CFAP20DC: variants seen among roughly 807,000 people sequenced by gnomAD.
CFAP20DC encodes the protein CFAP20 domain containing, also known as protein CFAP20DC.
A neutral mutation model predicts 101.7 loss-of-function variants in CFAP20DC; 84 were observed. The observed-to-expected ratio is 0.83, with a 90% confidence interval of 0.69 to 0.99. CFAP20DC has a LOEUF of 0.99. Ranked by LOEUF, CFAP20DC falls within the 50% of genes least tolerant of loss-of-function variation. The pLI is 0.00. For missense variants in CFAP20DC, 1,007 were observed against 970.3 expected (o/e 1.04, Z -0.50); for synonymous variants, 359 against 351.2 (o/e 1.02, Z -0.25).
rs1471785296 is a variant in CFAP20DC at position 59,002,289 on chromosome 3, C to T, written c.278+37268G>A. Among the ~76,000 whole-genome samples the T allele has an allele frequency of 2.6e-5, 4 of 152,196 alleles. No individual in the cohort carries two copies. The highest frequency in any genetic ancestry group is 4.4e-5 in the Non-Finnish European group (3 of 68,036). On this transcript the variant is annotated intron_variant, in intron 4 of 16. Transcript: ENST00000482387. This position sits in a 1 kb window ranked among gnomAD's most constrained non-coding sequence, Gnocchi z 4.5. ...CACACATGCTGAATAATTAGCTTCC[C>T]TCCTAAGGGATACATGATCCCACCT...
At chr3:58,831,537 C>G in intron 14 of CFAP20DC, 149 bp downstream of exon 14, 1 of 646,592 alleles carries the variant, frequency 1.5e-6, no homozygotes, top group Non-Finnish European at 2.7e-6. Context: ...TGTCCTTTCT[C>G]AAACACTATT....
rs1900621 is a variant in CFAP20DC at position 59,015,037 on chromosome 3, C to A, written c.278+24520G>T. On this transcript the variant is annotated intron_variant, in intron 4 of 16. Coordinates refer to ENST00000482387, the MANE Select transcript of CFAP20DC (RefSeq NM_001394063.1). The surrounding 1 kb of genome is among the most constrained non-coding windows in gnomAD (Gnocchi z 5.4). ...ACATTTACCAGTACAGAACATTTTG[C>A]GAGCTCATTTCTGAGGTTAGGATGT... 6.6e-6 allele frequency among the ~76,000 whole-genome samples: 1 copy of A among 151,904 alleles called. No individual in the cohort carries two copies. Among genetic ancestry groups the A allele is most frequent in the African/African-American group, 2.4e-5 (1 of 41,324 alleles).
At chr3:58,951,397 C>A (rs947110096) in intron 4 of CFAP20DC, among the ~76,000 whole-genome samples, 1 of 152,138 alleles carries the variant, frequency 6.6e-6, no homozygotes, top group African/African-American at 2.4e-5. Flanking sequence ...CCCAGCCATC[C>A]CATTACTGGG....
rs1267221863 is a variant in CFAP20DC at position 58,728,686 on chromosome 3, T to G, written c.198-11058A>C. 6.6e-6 allele frequency among the ~76,000 whole-genome samples: 1 copy of G among 152,150 alleles called. No homozygotes were observed. The highest frequency in any genetic ancestry group is 2.4e-5 in the African/African-American group (1 of 41,432). On this transcript the variant is annotated intron_variant, in intron 3 of 3. Coordinates refer to the CFAP20DC transcript ENST00000486145. This position sits in a 1 kb window ranked among gnomAD's most constrained non-coding sequence, Gnocchi z 4.7. ...GTGGAGGAAATCATATGCCAGAGCT[T>G]TGGTAAATGCATGAACTCTACACAC...
At chr3:58,972,805 T>C (rs1344539467) in intron 4 of CFAP20DC, among the ~76,000 whole-genome samples, 2 of 152,192 alleles carry the variant, frequency 1.3e-5, no homozygotes, top group African/African-American at 4.8e-5. Context: ...TGTGCCAATG[T>C]TCAAAGCATA....
intron 4 of CFAP20DC, among the ~76,000 whole-genome samples, chr3:58,991,316 G>A (rs903112372): frequency 3.3e-5 from 5 of 152,032 alleles, no homozygotes; most frequent in Admixed American, 6.6e-5. Context: ...GTAACAAACT[G>A]CTTACCTCCT....
rs1286932286 is a variant in CFAP20DC at position 58,721,383 on chromosome 3, A to AT, written c.198-3756dup. On this transcript the variant is annotated intron_variant, in intron 3 of 3. Coordinates refer to the CFAP20DC transcript ENST00000486145. The surrounding 1 kb of genome is among the most constrained non-coding windows in gnomAD (Gnocchi z 5.2). ...TTATAGTCAGAATGAAGAGATAGAC[A>AT]TTTTTTAAAAATTACAACCATGATA... Among the ~76,000 whole-genome samples, 1 of 152,126 alleles carries AT rather than the reference A, an allele frequency of 6.6e-6. No individual in the cohort carries two copies. The highest frequency in any genetic ancestry group is 1.9e-4 in the East Asian group (1 of 5,186).
intron 4 of CFAP20DC, among the ~76,000 whole-genome samples, chr3:58,980,879 T>C (rs955752180): frequency 6.6e-6 from 1 of 152,126 alleles, no homozygotes; most frequent in Non-Finnish European, 1.5e-5. Context: ...GAGAAGGAAA[T>C]AAAGGGTATT....
At chr3:58,990,843 A>G (rs2092914382) in intron 4 of CFAP20DC, among the ~76,000 whole-genome samples, 2 of 151,782 alleles carry the variant, frequency 1.3e-5, no homozygotes. Flanking sequence ...CATCTTTGGT[A>G]CCAAGCATTT....
intron 4 of CFAP20DC, among the ~76,000 whole-genome samples, chr3:58,958,834 A>C (rs562719874): frequency 6.6e-6 from 1 of 152,298 alleles, no homozygotes; most frequent in South Asian, 2.1e-4. Context: ...TGTAATTGTA[A>C]AAATTTTAAA....
intron 3 of CFAP20DC, among the ~76,000 whole-genome samples, chr3:58,718,110 G>A (rs2107037542): frequency 6.6e-6 from 1 of 152,314 alleles, no homozygotes; most frequent in East Asian, 1.9e-4. Context: ...GTCACATCAT[G>A]TTGAACAAAA....
intron 4 of CFAP20DC, chr3:59,017,444 C>G (rs1012540074): frequency 2.6e-5 from 4 of 152,156 alleles, no homozygotes; most frequent in African/African-American, 9.7e-5. Flanking sequence ...TCCCACCCCA[C>G]AACTTTCGCA....
rs914415888 is a variant in CFAP20DC at position 58,869,390 on chromosome 3, T to C, written c.953A>G (p.Glu318Gly). Residue 318 changes from glutamate (E) to glycine (G), a missense_variant, in exon 9 of 17, where the codon GAG (glutamate) becomes GGG (glycine). By Grantham distance (98) the Glu-to-Gly change is moderately conservative. Coordinates refer to ENST00000482387, the MANE Select transcript of CFAP20DC (RefSeq NM_001394063.1). This position sits in a 1 kb window ranked among gnomAD's most constrained non-coding sequence, Gnocchi z 4.3. ...GTEMSALLIPESEEQGNKENI... is the reference protein window; with the variant it reads ...GTEMSALLIPGSEEQGNKENI... ...TTCTTTATTTCCTTGTTCCTCAGAC[T>C]CAGGTATCAGCAAGGCTGACATTTC... 1.9e-6 allele frequency: 3 copies of C among 1,613,674 alleles called. No individual in the cohort carries two copies. The African/African-American group carries it at 4.0e-5, about 22-fold the overall frequency.
chr3:58,766,822 T>G (rs963666471), intron 15 of CFAP20DC, among the ~76,000 whole-genome samples: 1 of 152,210 alleles, frequency 6.6e-6, no homozygotes. Context: ...TAGACCATGC[T>G]TTCCTCCCCT....
intron 13 of CFAP20DC, among the ~76,000 whole-genome samples, chr3:58,844,874 A>C (rs1353893469): frequency 1.4e-5 from 2 of 142,504 alleles, no homozygotes; most frequent in Admixed American, 1.4e-4. Flanking sequence ...AAAACCGCTC[A>C]ACTACGTGGA....
intron 14 of CFAP20DC, among the ~76,000 whole-genome samples, chr3:58,826,842 T>C (rs2076071969): frequency 6.6e-6 from 1 of 152,092 alleles, no homozygotes. Flanking sequence ...AGTGCTGTAA[T>C]TGAGCCAGAA....
rs983327203 is a variant in CFAP20DC at position 58,717,980 on chromosome 3, C to T, written c.198-352G>A. Among the ~76,000 whole-genome samples, 14 of 152,198 alleles carry T rather than the reference C, an allele frequency of 9.2e-5. No homozygotes were observed. Among genetic ancestry groups the T allele is most frequent in the African/African-American group, 3.4e-4 (14 of 41,446 alleles). ...TCAAAAGCTTATGATTTTTACCATT[C>T]CCATTTGGATAAGCTATGGAGAAAT... On this transcript the variant is annotated intron_variant, in intron 3 of 3. Transcript: ENST00000486145. The surrounding 1 kb of genome is among the most constrained non-coding windows in gnomAD (Gnocchi z 4.1).
In CFAP20DC at chr3:58,810,017, T is replaced by A. The variant is rs559975318; in HGVS notation, c.2176-3561A>T. Among the ~76,000 whole-genome samples the A allele has an allele frequency of 5.2e-4, 79 of 152,184 alleles. 2 individuals carry two copies. The highest frequency in any genetic ancestry group is 1.9e-3 in the African/African-American group (78 of 41,536). On this transcript the variant is annotated intron_variant, in intron 14 of 16. Coordinates refer to ENST00000482387, the MANE Select transcript of CFAP20DC (RefSeq NM_001394063.1). ...GACTAAACCAGGAAGAAGTTGAATCTCTGAATAGACCAATAACAGGCTCTG... is the reference window on the plus strand; with the variant it reads ...GACTAAACCAGGAAGAAGTTGAATCACTGAATAGACCAATAACAGGCTCTG...
intron 14 of CFAP20DC, 119 bp from the exon 15 acceptor site, chr3:58,806,575 G>T: frequency 1.3e-6 from 1 of 756,758 alleles, no homozygotes. Flanking sequence ...GAAGGGTATG[G>T]GTGGGAGGGC....
Sources: gnomAD v4.1 joint callset for allele counts (sites outside exome capture counted in the v4.1 genomes callset) on GRCh38, gnomAD v4.1.1 for gene constraint, Gnocchi (gnomAD v3.1) non-coding constraint, MANE v1.5 for transcripts, NCBI Gene and HGNC (gene_info 2026-07-23, HGNC 2026-07-21) for gene names.